CALN1: variants seen among roughly 807,000 people sequenced by gnomAD.
The protein encoded by CALN1 is calcium-binding protein 8.
In CALN1, 17 loss-of-function variants were observed where a neutral mutation model predicts 30.6. The observed-to-expected ratio is 0.56, with a 90% CI of 0.38 to 0.83. The LOEUF is 0.83. Ranked by LOEUF, CALN1 falls within the 40% of genes least tolerant of loss-of-function variation. The pLI is 0.00. For missense variants in CALN1, 291 were observed against 354.9 expected (o/e 0.82, Z 1.45); for synonymous variants, 156 against 131.4 (o/e 1.19, Z -1.28).
chr7:72,490,283 A>G, the CALN1 span, among the ~76,000 whole-genome samples: 6 of 152,220 alleles, frequency 3.9e-5, no homozygotes, highest in Non-Finnish European at 8.8e-5. Context: ...CAATTATGCA[A>G]TTATAAAATA....
intron 5 of CALN1, among the ~76,000 whole-genome samples, chr7:71,900,180 A>G (rs1197992446): frequency 1.3e-5 from 2 of 152,226 alleles, no homozygotes; most frequent in African/African-American, 4.8e-5. Flanking sequence ...TTTATAGATC[A>G]ATAAGAAAAG....
At chr7:71,830,515 T>C (rs1289166275) in intron 5 of CALN1, among the ~76,000 whole-genome samples, 1 of 151,650 alleles carries the variant, frequency 6.6e-6, no homozygotes, top group South Asian at 2.1e-4. Context: ...GCCTGGCTAA[T>C]TTTTGTACTT....
intron 5 of CALN1, among the ~76,000 whole-genome samples, chr7:71,871,094 G>C (rs1005568633): frequency 1.3e-5 from 2 of 152,160 alleles, no homozygotes; most frequent in Non-Finnish European, 2.9e-5. Context: ...GGGAGGCAGA[G>C]AGATTCTCAA....
At chr7:72,100,542 G>A (rs1238729566) in intron 4 of CALN1, among the ~76,000 whole-genome samples, 1 of 152,006 alleles carries the variant, frequency 6.6e-6, no homozygotes, top group Non-Finnish European at 1.5e-5. Context: ...TTCTGAGCCG[G>A]GCGCAGTGGC....
chr7:71,883,928 T>C (rs1397207505), intron 5 of CALN1, among the ~76,000 whole-genome samples: 5 of 149,534 alleles, frequency 3.3e-5, no homozygotes, highest in East Asian at 1.9e-4. Context: ...TTCCTTCCTT[T>C]CTTTCTTTGA....
At chr7:72,140,127 TG>T (rs1287253739) in intron 3 of CALN1, among the ~76,000 whole-genome samples, 1 of 151,742 alleles carries the variant, frequency 6.6e-6, no homozygotes, top group Non-Finnish European at 1.5e-5. Flanking sequence ...AAAAATTAGC[TG>T]GGAGTGGTGC....
the CALN1 span, among the ~76,000 whole-genome samples, chr7:72,500,204 G>A: frequency 1.4e-5 from 2 of 145,062 alleles, no homozygotes; most frequent in East Asian, 2.1e-4. Flanking sequence ...GAGCCACCTC[G>A]CCCGGCCTCA....
At chr7:72,385,719 T>C (rs1469714288) in intron 2 of CALN1, among the ~76,000 whole-genome samples, 1 of 152,188 alleles carries the variant, frequency 6.6e-6, no homozygotes, top group African/African-American at 2.4e-5. Context: ...GTTCTTGTGA[T>C]AGTGACTGAG....
chr7:72,360,459 G>A (rs1803505002), intron 2 of CALN1, among the ~76,000 whole-genome samples: 1 of 151,552 alleles, frequency 6.6e-6, no homozygotes, highest in Non-Finnish European at 1.5e-5. Context: ...AAAGATTGAA[G>A]ACATCACACA....
intron 5 of CALN1, among the ~76,000 whole-genome samples, chr7:71,927,399 G>A (rs891214618): frequency 6.6e-6 from 1 of 152,048 alleles, no homozygotes; most frequent in African/African-American, 2.4e-5. Context: ...CAATACAGAT[G>A]GGGTTTCACC....
chr7:71,818,416 G>C (rs571585337), intron 5 of CALN1, among the ~76,000 whole-genome samples: 1 of 152,166 alleles, frequency 6.6e-6, no homozygotes, highest in Non-Finnish European at 1.5e-5. Context: ...CTGAGGCTTC[G>C]AGTAGCCAGG....
chr7:72,028,319 G>C (rs960927026), intron 4 of CALN1, among the ~76,000 whole-genome samples: 1 of 152,124 alleles, frequency 6.6e-6, no homozygotes, highest in Non-Finnish European at 1.5e-5. Context: ...CAGCAGTTTG[G>C]AACTGGTGCA....
intron 2 of CALN1, among the ~76,000 whole-genome samples, chr7:72,348,099 C>T (rs949630723): frequency 6.6e-6 from 1 of 152,110 alleles, no homozygotes; most frequent in African/African-American, 2.4e-5. Flanking sequence ...CCAGCCTGGA[C>T]AACAGAGCGA....
intron 5 of CALN1, among the ~76,000 whole-genome samples, chr7:71,814,958 T>G (rs1267843870): frequency 6.6e-6 from 1 of 151,842 alleles, no homozygotes; most frequent in Admixed American, 6.6e-5. Flanking sequence ...CTCAGCCTCC[T>G]GAGTGGCTGG....
chr7:72,385,024 A>C lies in CALN1; in HGVS notation c.119+18227T>G, dbSNP rs1210824605. ...TGAACATACTCCTCCGCAAGAAAAA[A>C]TATACGGATGGCAAGTAAACATATG... On this transcript the variant is annotated intron_variant, in intron 2 of 6. Coordinates refer to ENST00000395275, the MANE Select transcript of CALN1 (RefSeq NM_031468.4). Among the ~76,000 whole-genome samples, 3 of 152,246 alleles carry C rather than the reference A, an allele frequency of 2.0e-5. No individual in the cohort carries two copies. The East Asian group carries it at 5.8e-4, about 29-fold the overall frequency.
intron 2 of CALN1, among the ~76,000 whole-genome samples, chr7:72,390,795 C>T (rs986572238): frequency 1.3e-5 from 2 of 152,272 alleles, no homozygotes; most frequent in East Asian, 3.9e-4. Context: ...AACAAGGAAG[C>T]ACATGTGTTA....
rs373770103 is a variant in CALN1 at position 72,181,619 on chromosome 7, A to T, written c.245-75325T>A. The stretch of plus-strand genomic sequence containing the variant: ...CAGCCTCCTGAGTAGCTGGGATTAC[A>T]GGTGTGAGCCACCATGCTGGCTAAT... On this transcript the variant is annotated intron_variant, in intron 3 of 6. Coordinates refer to ENST00000395275, the MANE Select transcript of CALN1 (RefSeq NM_031468.4). 2.0e-5 allele frequency among the ~76,000 whole-genome samples: 3 copies of T among 151,894 alleles called. No individual in the cohort carries two copies. In the East Asian group the frequency reaches 5.8e-4, roughly 29 times the overall value.
Position 71,854,827 on chromosome 7 carries a change from T to C in CALN1, c.502-44335A>G, listed in dbSNP as rs1215302978. Among the ~76,000 whole-genome samples the C allele has an allele frequency of 2.6e-5, 4 of 152,228 alleles. No homozygotes were observed. The East Asian group carries it at 7.7e-4, about 29-fold the overall frequency. On this transcript the variant is annotated intron_variant, in intron 5 of 6. Transcript: ENST00000395275. ...TTCGGGCTCATTTCCCAAGAAAAAC[T>C]ATATAATGTGAAGCCAAGCTTAATT...
At chr7:71,979,947 T>C (rs1175888870) in intron 5 of CALN1, among the ~76,000 whole-genome samples, 3 of 146,654 alleles carry the variant, frequency 2.0e-5, no homozygotes, top group African/African-American at 7.5e-5. Context: ...GTACAATCTC[T>C]GCTCACTGCA....
Sources: allele counts gnomAD v4.1 joint callset (sites outside exome capture counted in the v4.1 genomes callset), GRCh38; gene constraint gnomAD v4.1.1; transcripts MANE v1.5; gene names NCBI Gene and HGNC (gene_info 2026-07-23, HGNC 2026-07-21).